ADAMTSL1: variants seen among roughly 807,000 people sequenced by gnomAD.
ADAMTSL1 encodes ADAMTS-like protein 1.
ADAMTSL1 carries 126 observed loss-of-function variants against 201.8 expected under a neutral mutation model. The observed-to-expected ratio is 0.62, with a 90% CI of 0.54 to 0.72. The LOEUF (loss-of-function observed/expected upper bound fraction) is 0.72, where lower values mean the gene tolerates loss of function less well. ADAMTSL1 is among the 30% of genes least tolerant of loss of function. ADAMTSL1 has a pLI of 0.00. For synonymous variants in ADAMTSL1, 1,121 were observed against 903.4 expected (o/e 1.24, Z -4.32); for missense variants, 2,679 against 2,277.8 (o/e 1.18, Z -3.59).
intron 1 of ADAMTSL1, among the ~76,000 whole-genome samples, chr9:18,474,522 T>C (rs1414495895): frequency 2.0e-5 from 3 of 152,180 alleles, no homozygotes; most frequent in African/African-American, 7.2e-5. Context: ...GTTACTGCTA[T>C]ACAGTAATAC....
intron 1 of ADAMTSL1, among the ~76,000 whole-genome samples, chr9:17,949,659 A>T (rs1827650865): frequency 1.3e-5 from 2 of 152,198 alleles, no homozygotes; most frequent in South Asian, 4.1e-4. Flanking sequence ...CACAGGCAGC[A>T]TGGTAGTAGA....
chr9:18,255,614 A>G (rs888239102), intron 2 of ADAMTSL1, among the ~76,000 whole-genome samples: 1 of 152,244 alleles, frequency 6.6e-6, no homozygotes, highest in African/African-American at 2.4e-5. Context: ...GTGAAATATG[A>G]ACCAATCATA....
chr9:18,058,804 G>A (rs942288274), intron 1 of ADAMTSL1, among the ~76,000 whole-genome samples: 1 of 152,110 alleles, frequency 6.6e-6, no homozygotes, highest in African/African-American at 2.4e-5. Flanking sequence ...AGGGATGTTT[G>A]CCTCTCATAA....
chr9:18,213,752 G>T (rs1157598068), intron 2 of ADAMTSL1, among the ~76,000 whole-genome samples: 1 of 151,510 alleles, frequency 6.6e-6, no homozygotes, highest in African/African-American at 2.4e-5. Context: ...ATTTTTTTTT[G>T]TCCTTGAGAC....
intron 1 of ADAMTSL1, among the ~76,000 whole-genome samples, chr9:18,159,760 A>G (rs1038087678): frequency 2.6e-5 from 4 of 152,044 alleles, no homozygotes; most frequent in Admixed American, 6.6e-5. Context: ...AGAGCCACTG[A>G]AAGTCAGGTC....
intron 2 of ADAMTSL1, among the ~76,000 whole-genome samples, chr9:18,522,293 A>G (rs1055432311): frequency 6.6e-6 from 1 of 152,126 alleles, no homozygotes; most frequent in African/African-American, 2.4e-5. Flanking sequence ...GTCTAAAATA[A>G]AAGTTGAAAT....
intron 1 of ADAMTSL1, among the ~76,000 whole-genome samples, chr9:18,105,553 A>G (rs534651770): frequency 2.0e-5 from 3 of 152,218 alleles, no homozygotes; most frequent in East Asian, 3.9e-4. Context: ...GCCTAGAGGG[A>G]AAAATAGGGT....
At chr9:18,047,757 T>C (rs1821734104) in intron 1 of ADAMTSL1, among the ~76,000 whole-genome samples, 1 of 152,144 alleles carries the variant, frequency 6.6e-6, no homozygotes, top group African/African-American at 2.4e-5. Context: ...AAAAAAATGA[T>C]TTTGAAGTCT....
intron 2 of ADAMTSL1, among the ~76,000 whole-genome samples, chr9:18,361,819 G>T (rs1335376476): frequency 3.9e-5 from 6 of 152,168 alleles, no homozygotes; most frequent in Non-Finnish European, 8.8e-5. Flanking sequence ...GAATTTGGTG[G>T]TCTCAGCTGA....
At chr9:18,684,932 A>G (rs1830732596) in intron 13 of ADAMTSL1, 132 bp downstream of exon 13, 2 of 1,399,768 alleles carry the variant, frequency 1.4e-6, no homozygotes, top group South Asian at 1.7e-5. Flanking sequence ...TTGGCTCTCA[A>G]ATTAAAGATT....
At chr9:18,892,362 T>G (rs1169022628) in intron 25 of ADAMTSL1, 27 bp from the exon 26 acceptor site, 1 of 1,599,264 alleles carries the variant, frequency 6.3e-7, no homozygotes, top group Admixed American at 1.7e-5. Flanking sequence ...CCTTTAGGGC[T>G]CTCCTGACAC....
intron 23 of ADAMTSL1, among the ~76,000 whole-genome samples, chr9:18,856,578 C>T (rs1826866580): frequency 6.8e-6 from 1 of 147,874 alleles, no homozygotes; most frequent in Non-Finnish European, 1.5e-5. Context: ...ATTCTTGTGC[C>T]TCAGCCTCCT....
At position 18,904,683 on chromosome 9, in the gene ADAMTSL1, T is replaced by G; in HGVS notation, c.4852-1099T>G. 1.4e-5 allele frequency among the ~76,000 whole-genome samples: 2 copies of G among 138,996 alleles called. 1 individual carries two copies. Among genetic ancestry groups the G allele is most frequent in the Non-Finnish European group, 3.1e-5 (2 of 64,366 alleles). 91.2% of individuals were successfully genotyped at this position (138,996 alleles called of 152,430 possible). A position where few individuals can be genotyped will look rare whatever the true frequency, so the allele number is the denominator to read the frequency against. ...AAAAAAAAAAAAAAAGGTCCGTTTATGTGTATTTTACGATTTAAAAAAAAT... is the reference window on the plus strand; with the variant it reads ...AAAAAAAAAAAAAAAGGTCCGTTTAGGTGTATTTTACGATTTAAAAAAAAT... On this transcript the variant is annotated intron_variant, in intron 26 of 28. Coordinates refer to ENST00000380548, the MANE Select transcript of ADAMTSL1 (RefSeq NM_001040272.6).
At chr9:18,403,262 C>T (rs1194640454) in intron 2 of ADAMTSL1, among the ~76,000 whole-genome samples, 1 of 151,970 alleles carries the variant, frequency 6.6e-6, no homozygotes, top group Non-Finnish European at 1.5e-5. Context: ...TGGCTCACTG[C>T]AACCTTCGCC....
intron 2 of ADAMTSL1, among the ~76,000 whole-genome samples, chr9:18,185,544 C>T (rs570780961): frequency 6.6e-6 from 1 of 152,072 alleles, no homozygotes; most frequent in Non-Finnish European, 1.5e-5. Flanking sequence ...TGTTATGCAG[C>T]ATGGAAAACT....
chr9:18,242,143 A>G (rs940620207), intron 2 of ADAMTSL1, among the ~76,000 whole-genome samples: 4 of 152,192 alleles, frequency 2.6e-5, no homozygotes, highest in African/African-American at 7.2e-5. Context: ...TCAACAACAC[A>G]TCAAAAAGAT....
intron 1 of ADAMTSL1, among the ~76,000 whole-genome samples, chr9:18,021,637 G>T (rs1418395018): frequency 6.6e-6 from 1 of 152,004 alleles, no homozygotes; most frequent in African/African-American, 2.4e-5. Flanking sequence ...GTTTATTATG[G>T]AATAAAAGTT....
intron 1 of ADAMTSL1, among the ~76,000 whole-genome samples, chr9:17,943,012 C>T (rs757865995): frequency 1.3e-5 from 2 of 152,102 alleles, no homozygotes; most frequent in Non-Finnish European, 2.9e-5. Flanking sequence ...GCCTCAATCT[C>T]CTGGTCTTAA....
chr9:17,956,412 T>C (rs1156731764), intron 1 of ADAMTSL1, among the ~76,000 whole-genome samples: 5 of 152,216 alleles, frequency 3.3e-5, no homozygotes, highest in African/African-American at 1.2e-4. Flanking sequence ...TTGTTGGCAG[T>C]GTCCTCTTCT....
Sources: allele counts gnomAD v4.1 joint callset (sites outside exome capture counted in the v4.1 genomes callset), GRCh38; gene constraint gnomAD v4.1.1; transcripts MANE v1.5; gene names NCBI Gene and HGNC (gene_info 2026-07-23, HGNC 2026-07-21).